The following PTPRR variants were observed in gnomAD, a reference collection of about 807,000 sequenced individuals.
PTPRR encodes protein tyrosine phosphatase receptor type R.
In PTPRR, 38 loss-of-function variants were observed where a neutral mutation model predicts 77.2. The observed-to-expected ratio is 0.49, with a 90% CI of 0.38 to 0.65. The LOEUF (loss-of-function observed/expected upper bound fraction) is 0.65. PTPRR is among the 30% of genes least tolerant of loss of function. The pLI, the probability that PTPRR is intolerant of heterozygous loss-of-function variation, is 0.00. For missense variants in PTPRR, 744 were observed against 799.2 expected (o/e 0.93, Z 0.83); for synonymous variants, 299 against 283.1 (o/e 1.06, Z -0.57).
intron 2 of PTPRR, among the ~76,000 whole-genome samples, chr12:70,824,589 A>G (rs1016107759): frequency 6.6e-6 from 1 of 152,152 alleles, no homozygotes; most frequent in Non-Finnish European, 1.5e-5. Context: ...TCCCAAATGG[A>G]TCAGCATTCT....
intron 13 of PTPRR, among the ~76,000 whole-genome samples, chr12:70,640,977 T>C (rs1204395841): frequency 1.3e-5 from 2 of 152,236 alleles, no homozygotes; most frequent in African/African-American, 2.4e-5. Flanking sequence ...AGCTGTACAT[T>C]TTGTTGCATT....
At chr12:70,747,377 C>T (rs1411177483) in intron 5 of PTPRR, among the ~76,000 whole-genome samples, 1 of 152,112 alleles carries the variant, frequency 6.6e-6, no homozygotes, top group African/African-American at 2.4e-5. Context: ...TATATCTGTA[C>T]CTTTACAAAA....
At chr12:70,832,499 A>C in intron 2 of PTPRR, among the ~76,000 whole-genome samples, 1 of 152,206 alleles carries the variant, frequency 6.6e-6, no homozygotes, top group East Asian at 1.9e-4. Flanking sequence ...TTGATGTGAT[A>C]GGGTGGTGAG....
At chr12:70,774,581 A>C (rs1440540152) in intron 2 of PTPRR, among the ~76,000 whole-genome samples, 1 of 152,140 alleles carries the variant, frequency 6.6e-6, no homozygotes, top group East Asian at 1.9e-4. Context: ...TCATTGCATC[A>C]AAACATTTGA....
At chr12:70,820,550 G>A (rs1891988863) in intron 2 of PTPRR, among the ~76,000 whole-genome samples, 1 of 152,162 alleles carries the variant, frequency 6.6e-6, no homozygotes, top group South Asian at 2.1e-4. Flanking sequence ...AGCCAGGGTG[G>A]TCTCGATCTC....
At chr12:70,798,854 A>T (rs764412950) in intron 2 of PTPRR, among the ~76,000 whole-genome samples, 8 of 146,222 alleles carry the variant, frequency 5.5e-5, no homozygotes, top group Non-Finnish European at 8.9e-5. Context: ...TTGTTGTCTC[A>T]ATGTTAGCTC....
intron 2 of PTPRR, among the ~76,000 whole-genome samples, chr12:70,833,560 G>A (rs1892251992): frequency 2.0e-5 from 3 of 152,110 alleles, no homozygotes; most frequent in Non-Finnish European, 4.4e-5. Flanking sequence ...GAACAGAGGA[G>A]GATGACTTGT....
At chr12:70,820,723 A>G (rs939921796) in intron 2 of PTPRR, among the ~76,000 whole-genome samples, 5 of 152,178 alleles carry the variant, frequency 3.3e-5, no homozygotes, top group African/African-American at 1.2e-4. Flanking sequence ...CAGTTTAGAG[A>G]GAATCCCCAC....
At chr12:70,685,727 ATAAC>A (rs1463603344) in intron 8 of PTPRR, among the ~76,000 whole-genome samples, 1 of 152,194 alleles carries the variant, frequency 6.6e-6, no homozygotes, top group Non-Finnish European at 1.5e-5. Context: ...TGCTCATAAA[ATAAC>A]AAACAACATA....
chr12:70,857,889 CAGAAG>C (rs1892680342), intron 2 of PTPRR, among the ~76,000 whole-genome samples: 1 of 152,068 alleles, frequency 6.6e-6, no homozygotes, highest in African/African-American at 2.4e-5. Context: ...ACCTATAAGC[CAGAAG>C]TTGGGGCATT....
At chr12:70,757,324 A>G (rs1437239804) in intron 4 of PTPRR, among the ~76,000 whole-genome samples, 1 of 152,220 alleles carries the variant, frequency 6.6e-6, no homozygotes, top group Non-Finnish European at 1.5e-5. Context: ...CAATTGAACA[A>G]CAACAAAATT....
chr12:70,712,416 T>C (rs1888858356), intron 6 of PTPRR, among the ~76,000 whole-genome samples: 1 of 151,778 alleles, frequency 6.6e-6, no homozygotes. Flanking sequence ...ATTTGTTGAT[T>C]TGATGCCATT....
At chr12:70,701,576 A>G (rs1186241771) in intron 6 of PTPRR, among the ~76,000 whole-genome samples, 2 of 152,222 alleles carry the variant, frequency 1.3e-5, no homozygotes, top group Non-Finnish European at 2.9e-5. Flanking sequence ...TATACTTATT[A>G]CAGAAATCAT....
At chr12:70,699,902 T>C (rs1381569408) in intron 7 of PTPRR, among the ~76,000 whole-genome samples, 2 of 152,192 alleles carry the variant, frequency 1.3e-5, no homozygotes, top group Non-Finnish European at 2.9e-5. Flanking sequence ...TCTTCCAGCA[T>C]TCTCTTTCTC....
intron 6 of PTPRR, among the ~76,000 whole-genome samples, chr12:70,713,381 CAT>C (rs1776978554): frequency 6.6e-6 from 1 of 152,078 alleles, no homozygotes; most frequent in African/African-American, 2.4e-5. Flanking sequence ...TTTGCATGAA[CAT>C]ATGTTTTCAT....
intron 2 of PTPRR, among the ~76,000 whole-genome samples, chr12:70,813,022 C>T (rs1891837697): frequency 1.3e-5 from 2 of 152,198 alleles, no homozygotes; most frequent in African/African-American, 4.8e-5. Flanking sequence ...AACTCTCCGA[C>T]ATAATTTGCT....
At chr12:70,885,837 G>A (rs976800779) in intron 2 of PTPRR, among the ~76,000 whole-genome samples, 1 of 151,914 alleles carries the variant, frequency 6.6e-6, no homozygotes, top group African/African-American at 2.4e-5. Context: ...GGCTGGTTAT[G>A]GATGGTTTTT....
rs138463068 is a variant in PTPRR at position 70,655,133 on chromosome 12, A to G, written c.1880+1571T>C. Among the ~76,000 whole-genome samples, 23 of 152,342 alleles carry G rather than the reference A, an allele frequency of 1.5e-4. No individual in the cohort carries two copies. The East Asian group carries it at 3.7e-3, about 24-fold the overall frequency. On this transcript the variant is annotated intron_variant, in intron 13 of 13. Coordinates refer to ENST00000283228, the MANE Select transcript of PTPRR (RefSeq NM_002849.4). ...AAGTTTCTTGTTTATCTTGTTTTCAAAACAAATGGAGATTATAACAAAGGT... is the reference window on the plus strand; with the variant it reads ...AAGTTTCTTGTTTATCTTGTTTTCAGAACAAATGGAGATTATAACAAAGGT...
intron 2 of PTPRR, among the ~76,000 whole-genome samples, chr12:70,850,936 GT>G (rs919986827): frequency 9.4e-4 from 142 of 150,368 alleles, no homozygotes; most frequent in Middle Eastern, 3.5e-3. Flanking sequence ...TGTTTCTCCT[GT>G]TTTTTTTTCC....
Sources: allele counts gnomAD v4.1 joint callset (sites outside exome capture counted in the v4.1 genomes callset), GRCh38; gene constraint gnomAD v4.1.1; transcripts MANE v1.5; gene names NCBI Gene and HGNC (gene_info 2026-07-23, HGNC 2026-07-21).